The following STAM variants were observed in gnomAD, a reference collection of about 807,000 sequenced individuals.
The protein encoded by STAM is signal transducing adapter molecule 1.
In STAM, 16 loss-of-function variants were observed where a neutral mutation model predicts 63.4. The observed-to-expected ratio is 0.25, with a 90% CI of 0.17 to 0.38. The LOEUF is 0.38. Ranked by LOEUF, STAM falls within the 10% of genes least tolerant of loss-of-function variation. STAM has a pLI of 1.00. For missense variants in STAM, 636 were observed against 657.1 expected, an observed-to-expected ratio of 0.97 and a Z score of 0.35; for synonymous variants, 238 against 223.9, an observed-to-expected ratio of 1.06 and a Z score of -0.56.
chr10:17,683,219 G>A (rs139883832), intron 2 of STAM, among the ~76,000 whole-genome samples: 133 of 152,152 alleles, frequency 8.7e-4, no homozygotes, highest in Non-Finnish European at 1.8e-3. Context: ...GATGGAGTAC[G>A]GTGGTGCCAT....
intron 1 of STAM, 72 bp downstream of exon 1, chr10:17,644,451 T>C (rs1833441059): frequency 1.3e-6 from 2 of 1,586,498 alleles, no homozygotes; most frequent in Non-Finnish European, 1.7e-6. Context: ...CCTGCCTGCA[T>C]TCAGGACCCT....
At position 17,700,171 on chromosome 10, in the gene STAM, A is replaced by G. The variant is rs782438256; in HGVS notation, c.824-20A>G. 6.4e-7 allele frequency: 1 copy of G among 1,564,242 alleles called. No homozygotes were observed. Among genetic ancestry groups the G allele is most frequent in the Non-Finnish European group, 8.7e-7 (1 of 1,149,628 alleles). ...TTTAAATGTATTATTAAAAAAAGAT[A>G]ACTTTTACATATCTTACAGTTAAAA... On this transcript the variant is annotated intron_variant, in intron 8 of 13. Coordinates refer to ENST00000377524, the MANE Select transcript of STAM (RefSeq NM_003473.4).
intron 13 of STAM, among the ~76,000 whole-genome samples, chr10:17,712,730 T>C (rs938440914): frequency 6.6e-6 from 1 of 152,210 alleles, no homozygotes; most frequent in Non-Finnish European, 1.5e-5. Context: ...GAAACGCATG[T>C]ATTCCGTTGG....
intron 1 of STAM, among the ~76,000 whole-genome samples, chr10:17,654,952 C>T (rs1037492048): frequency 3.9e-5 from 6 of 152,100 alleles, no homozygotes; most frequent in Admixed American, 6.5e-5. Flanking sequence ...AGCCTAGATT[C>T]TTCATTATAC....
chr10:17,668,564 T>A (rs1375007780), intron 2 of STAM, among the ~76,000 whole-genome samples: 1 of 152,230 alleles, frequency 6.6e-6, no homozygotes, highest in Non-Finnish European at 1.5e-5. Context: ...GTCATTACAG[T>A]ACCATGCTGA....
Position 17,660,488 on chromosome 10 carries a change from C to T in STAM, c.65C>T (p.Thr22Ile). Residue 22 changes from threonine (T) to isoleucine (I), a missense_variant, in exon 2 of 14, where the codon ACT becomes ATT. Around this residue, in one of 3 missense-constraint regions of STAM, gnomAD observed 87 missense variants for 80.3 expected, o/e 1.08. Coordinates refer to ENST00000377524, the MANE Select transcript of STAM (RefSeq NM_003473.4). ...DVEKATSEMN[T>I]AEDWGLILDI... ...GAGAAAGCAACCAGCGAGATGAATA[C>T]TGCTGAGGACTGGGGCCTCATTTTG... 1 of 1,605,146 alleles carries T rather than the reference C, an allele frequency of 6.2e-7. No individual in the cohort carries two copies. Among genetic ancestry groups the T allele is most frequent in the Non-Finnish European group, 8.5e-7 (1 of 1,175,640 alleles).
At chr10:17,654,185 G>T (rs1833848554) in intron 1 of STAM, among the ~76,000 whole-genome samples, 1 of 151,944 alleles carries the variant, frequency 6.6e-6, no homozygotes, top group Admixed American at 6.6e-5. Flanking sequence ...TGAAAGTTAA[G>T]TTTGAAAACC....
chr10:17,648,859 T>C (rs149532030), intron 1 of STAM, among the ~76,000 whole-genome samples: 212 of 152,334 alleles, frequency 1.4e-3, no homozygotes, highest in African/African-American at 4.6e-3. Flanking sequence ...AGTTTTTTTA[T>C]TGTGGCTCAC....
chr10:17,696,986 C>A, intron 8 of STAM, 117 bp downstream of exon 8: 1 of 731,242 alleles, frequency 1.4e-6, no homozygotes, highest in Non-Finnish European at 2.3e-6. Flanking sequence ...GTGGTGCGAG[C>A]TCGGATCATT....
At position 17,695,071 on chromosome 10, in the gene STAM, A is replaced by C; in HGVS notation, c.558A>C (p.Glu186Asp). The C allele has an allele frequency of 6.2e-7, 1 of 1,613,994 alleles. No homozygotes were observed. The highest frequency in any genetic ancestry group is 1.3e-5 in the African/African-American group (1 of 75,056). ...TAGCCATTGAGTTGTCTCTCAAGGA[A>C]CAAAGGCAGCAGTCAACCACCCTTT... ...LAKAIELSLKEQRQQSTTLST... is the reference protein window; with the variant it reads ...LAKAIELSLKDQRQQSTTLST... Residue 186 changes from glutamate (E) to aspartate (D), a missense_variant, in exon 7 of 14, where the codon GAA becomes GAC. This residue lies in a region of STAM where 532 missense variants were observed against 536.9 expected (regional missense o/e 0.99). Transcript: ENST00000377524.
At chr10:17,708,678 A>T in intron 12 of STAM, 98 bp from the exon 13 acceptor site, 2 of 1,257,276 alleles carry the variant, frequency 1.6e-6, no homozygotes, top group South Asian at 2.3e-5. Flanking sequence ...CAGAGTGGTG[A>T]TTTTTCTTGT....
intron 13 of STAM, among the ~76,000 whole-genome samples, chr10:17,712,690 T>G (rs1836609103): frequency 6.6e-6 from 1 of 152,234 alleles, no homozygotes; most frequent in Non-Finnish European, 1.5e-5. Flanking sequence ...AGTACTTCTC[T>G]TCACATAGCT....
chr10:17,687,635 A>G (rs1216762538), intron 4 of STAM, among the ~76,000 whole-genome samples: 18 of 152,380 alleles, frequency 1.2e-4, no homozygotes, highest in Admixed American at 7.8e-4. Context: ...ATGCATAGTC[A>G]TGAACATTAA....
In STAM at chr10:17,660,639, C is replaced by T. The variant is rs1834129784; in HGVS notation, c.125+91C>T. On this transcript the variant is annotated intron_variant, in intron 2 of 13. Coordinates refer to ENST00000377524, the MANE Select transcript of STAM (RefSeq NM_003473.4). The stretch of plus-strand genomic sequence containing the variant: ...AGTGGCTTGCACCTGTAGGCCCAGC[C>T]CCTCGGTAGGATGAGGTGGGAGGAT... The T allele has an allele frequency of 7.6e-6, 7 of 921,898 alleles. No homozygotes were observed. The South Asian group carries it at 1.3e-4, about 17-fold the overall frequency. 57.1% of individuals were successfully genotyped at this position (921,898 alleles called of 1,614,324 possible).
intron 11 of STAM, among the ~76,000 whole-genome samples, chr10:17,705,230 C>T (rs1836207877): frequency 6.6e-6 from 1 of 152,080 alleles, no homozygotes; most frequent in Non-Finnish European, 1.5e-5. Flanking sequence ...GCAATATAGT[C>T]AAAAGGACCA....
intron 2 of STAM, among the ~76,000 whole-genome samples, chr10:17,682,062 T>C (rs1554825447): frequency 6.6e-6 from 1 of 152,236 alleles, no homozygotes; most frequent in Non-Finnish European, 1.5e-5. Context: ...CTTGTATGTG[T>C]ATGGTTTGAT....
chr10:17,680,716 A>C (rs989715124), intron 2 of STAM, among the ~76,000 whole-genome samples: 1 of 152,046 alleles, frequency 6.6e-6, no homozygotes, highest in African/African-American at 2.4e-5. Flanking sequence ...CTTGATTTTG[A>C]CTACTCTTAG....
intron 5 of STAM, among the ~76,000 whole-genome samples, chr10:17,688,578 G>T (rs1044315889): frequency 4.6e-5 from 7 of 151,742 alleles, no homozygotes; most frequent in Non-Finnish European, 1.0e-4. Flanking sequence ...TTCTCCTGCC[G>T]CAGCCTCCTG....
chr10:17,655,528 G>C (rs915174617), intron 1 of STAM, among the ~76,000 whole-genome samples: 3 of 152,142 alleles, frequency 2.0e-5, no homozygotes, highest in African/African-American at 7.2e-5. Flanking sequence ...GTGATATATA[G>C]CAGGTATTAT....
Sources: gnomAD v4.1 joint callset for allele counts (sites outside exome capture counted in the v4.1 genomes callset) on GRCh38, gnomAD v4.1.1 for gene constraint, gnomAD v4.1.1 regional missense constraint, MANE v1.5 for transcripts, NCBI Gene and HGNC (gene_info 2026-07-23, HGNC 2026-07-21) for gene names.